The following MED6 variants were observed in gnomAD, a reference collection of about 807,000 sequenced individuals.
MED6 encodes the protein mediator complex subunit 6, also known as mediator of RNA polymerase II transcription subunit 6.
MED6 carries 33 observed loss-of-function variants against 37.5 expected under a neutral mutation model. That is an observed-to-expected ratio of 0.88 (90% CI 0.67 to 1.18). MED6 has a LOEUF of 1.18. Ranked by LOEUF, MED6 falls within the 50% of genes most tolerant of loss-of-function variation. The pLI is 0.00. For synonymous variants in MED6, 94 were observed against 93.6 expected, an observed-to-expected ratio of 1.00 and a Z score of -0.02; for missense variants, 235 against 290.6, an observed-to-expected ratio of 0.81 and a Z score of 1.39.
At chr14:70,599,795 AC>A (rs1885150676) in intron 1 of MED6, among the ~76,000 whole-genome samples, 1 of 150,916 alleles carries the variant, frequency 6.6e-6, no homozygotes, top group Non-Finnish European at 1.5e-5. Flanking sequence ...CAGCATTCTA[AC>A]CATCAGCAAG....
At position 70,596,683 on chromosome 14, in the gene MED6, A is replaced by G. The variant is rs1040274395; in HGVS notation, c.202T>C (p.Tyr68His). The G allele has an allele frequency of 6.2e-7, 1 of 1,613,754 alleles. No homozygotes were observed. The highest frequency in any genetic ancestry group is 1.3e-5 in the African/African-American group (1 of 74,942). ...GGCTCTTGAGCATGCAAAAGGATGT[A>G]CTCGATTCCAACCATCTGACTGAAA... ...EHLNQMVGIE[Y>H]ILLHAQEPIL... is the part of the protein sequence containing the mutation. Residue 68 changes from tyrosine (Y) to histidine (H), a missense_variant, in exon 3 of 8, where the codon TAC becomes CAC. Coordinates refer to ENST00000256379, the MANE Select transcript of MED6 (RefSeq NM_005466.4).
rs1206695920 is a variant in MED6 at position 70,588,685 on chromosome 14, CAAAAATAAT to C, written c.582+2572_582+2580del. Among the ~76,000 whole-genome samples the C allele has an allele frequency of 7.2e-5, 8 of 111,258 alleles. No individual in the cohort carries two copies. The East Asian group carries it at 2.0e-3, about 28-fold the overall frequency. 73.0% of individuals were successfully genotyped at this position (111,258 alleles called of 152,430 possible). The stretch of plus-strand genomic sequence containing the variant: ...TGGGCGACAGAGTGAGACTCCGTCT[CAAAAATAAT>C]AATAATAATAATAATAATAATAATA... On this transcript the variant is annotated intron_variant, in intron 6 of 7. Transcript: ENST00000256379.
rs1431748088 is a variant in MED6, at chr14:70,593,396, A to G, written c.275-18T>C. 6.3e-7 allele frequency: 1 copy of G among 1,577,156 alleles called. No homozygotes were observed. The highest frequency in any genetic ancestry group is 1.1e-5 in the South Asian group (1 of 89,264). On this transcript the variant is annotated intron_variant, in intron 3 of 7. Coordinates refer to ENST00000256379, the MANE Select transcript of MED6 (RefSeq NM_005466.4). ...TGGGATAACTAAAACAGTGGGAAAA[A>G]AGGTTTATAAATACAGCTATGGACA...
In MED6 at chr14:70,584,623, G is replaced by A. The variant is rs576133936; in HGVS notation, c.*190C>T. ...ACTTCTGACCTCAAGTGATCCACCCGCCATGGCCTCCCAAAGTGCTGGGAT... is the reference window on the plus strand; with the variant it reads ...ACTTCTGACCTCAAGTGATCCACCCACCATGGCCTCCCAAAGTGCTGGGAT... On this transcript the variant is annotated 3_prime_UTR_variant, in exon 8 of 8. Coordinates refer to ENST00000256379, the MANE Select transcript of MED6 (RefSeq NM_005466.4). The A allele has an allele frequency of 1.8e-4, 108 of 598,608 alleles. No individual in the cohort carries two copies. The highest frequency in any genetic ancestry group is 2.7e-4 in the Non-Finnish European group (102 of 372,526). 37.1% of individuals were successfully genotyped at this position (598,608 alleles called of 1,614,324 possible). A position where few individuals can be genotyped will look rare whatever the true frequency, so the allele number is the denominator to read the frequency against.
At chr14:70,586,224 T>A (rs1322232231) in intron 6 of MED6, among the ~76,000 whole-genome samples, 2 of 152,224 alleles carry the variant, frequency 1.3e-5, no homozygotes, top group Non-Finnish European at 2.9e-5. Context: ...ACTTTTAAAG[T>A]TGGTAGGCAT....
intron 1 of MED6, among the ~76,000 whole-genome samples, chr14:70,600,243 G>A (rs1329259187): frequency 1.3e-5 from 2 of 152,160 alleles, no homozygotes; most frequent in African/African-American, 4.8e-5. Flanking sequence ...AGTCCCAAGA[G>A]ATGAATCAAA....
At chr14:70,599,249 G>A (rs1452924975) in intron 1 of MED6, among the ~76,000 whole-genome samples, 1 of 152,166 alleles carries the variant, frequency 6.6e-6, no homozygotes, top group Non-Finnish European at 1.5e-5. Context: ...AAGGTAAAAT[G>A]TACTTTGTGT....
chr14:70,597,866 G>C (rs140431963), intron 1 of MED6, 89 bp from the exon 2 acceptor site: 3 of 1,060,798 alleles, frequency 2.8e-6, no homozygotes, highest in Non-Finnish European at 3.9e-6. Context: ...AATGTAGTAG[G>C]CACTATGAAT....
At chr14:70,600,550 G>T (rs375613889) in intron 1 of MED6, 66 bp downstream of exon 1, 7 of 1,578,378 alleles carry the variant, frequency 4.4e-6, no homozygotes, top group Non-Finnish European at 6.1e-6. Context: ...CCTTGAAACC[G>T]CGAGCTATAA....
At chr14:70,598,024 G>A (rs564332047) in intron 1 of MED6, among the ~76,000 whole-genome samples, 7 of 152,244 alleles carry the variant, frequency 4.6e-5, no homozygotes, top group South Asian at 2.1e-4. Context: ...GGCCGGGTGC[G>A]GTGGCTCAGC....
At chr14:70,598,639 T>C (rs1477987210) in intron 1 of MED6, among the ~76,000 whole-genome samples, 1 of 152,130 alleles carries the variant, frequency 6.6e-6, no homozygotes, top group East Asian at 1.9e-4. Flanking sequence ...AGAGAGAATG[T>C]ATATACAGAG....
At chr14:70,593,623 C>G (rs1321498819) in intron 3 of MED6, among the ~76,000 whole-genome samples, 1 of 152,226 alleles carries the variant, frequency 6.6e-6, no homozygotes, top group African/African-American at 2.4e-5. Context: ...TATTTAGTCA[C>G]TGGCCCTTTT....
At chr14:70,591,500 C>T in intron 5 of MED6, 119 bp from the exon 6 acceptor site, 1 of 737,984 alleles carries the variant, frequency 1.4e-6, no homozygotes, top group Non-Finnish European at 2.2e-6. Flanking sequence ...GGCTGCTATA[C>T]CAAAGATAAT....
chr14:70,585,754 A>AC lies in MED6; in HGVS notation c.610+1dup. On this transcript the variant is annotated splice_donor_variant, in intron 7 of 7. Transcript: ENST00000256379. LOFTEE classifies it high-confidence loss of function. ...GTAATAAGAATATTACATGAACCAT[A>AC]CCTGGAACAGGCTTTTCTCCAGGCT... The AC allele has an allele frequency of 6.2e-7, 1 of 1,600,776 alleles. No individual in the cohort carries two copies. Among genetic ancestry groups the AC allele is most frequent in the East Asian group, 2.3e-5 (1 of 44,356 alleles).
At chr14:70,589,737 C>G (rs980025997) in intron 6 of MED6, among the ~76,000 whole-genome samples, 3 of 152,140 alleles carry the variant, frequency 2.0e-5, no homozygotes, top group African/African-American at 7.2e-5. Flanking sequence ...ATACAAAATC[C>G]TTCTCAACTG....
chr14:70,584,202 T>C lies in MED6; in HGVS notation c.*611A>G, dbSNP rs763173685. On this transcript the variant is annotated 3_prime_UTR_variant, in exon 8 of 8. Coordinates refer to ENST00000256379, the MANE Select transcript of MED6 (RefSeq NM_005466.4). The stretch of plus-strand genomic sequence containing the variant: ...GTCTTCAAAGTGCATCTGAAAAATA[T>C]CAGTTATGATGAAGAAAAAAGTCAT... 1 of 749,888 alleles carries C rather than the reference T, an allele frequency of 1.3e-6. No individual in the cohort carries two copies. Among genetic ancestry groups the C allele is most frequent in the Non-Finnish European group, 2.4e-6 (1 of 412,332 alleles). 46.5% of individuals were successfully genotyped at this position (749,888 alleles called of 1,614,324 possible).
At chr14:70,593,098 C>T in intron 4 of MED6, 110 bp from the exon 5 acceptor site, 1 of 1,440,152 alleles carries the variant, frequency 6.9e-7, no homozygotes, top group Non-Finnish European at 9.5e-7. Flanking sequence ...TTTTCAGAAC[C>T]TAAATTACTA....
chr14:70,592,230 A>G (rs1291751483), intron 5 of MED6, among the ~76,000 whole-genome samples: 1 of 152,212 alleles, frequency 6.6e-6, no homozygotes, highest in African/African-American at 2.4e-5. Context: ...CGAACAGTAA[A>G]ATATGATGAA....
chr14:70,594,850 G>A (rs184965027), intron 3 of MED6: 1 of 656,484 alleles, frequency 1.5e-6, no homozygotes, highest in African/African-American at 1.8e-5. Flanking sequence ...CCTGGACAGA[G>A]TGAGGAGCCT....
Sources: allele counts gnomAD v4.1 joint callset (sites outside exome capture counted in the v4.1 genomes callset), GRCh38; gene constraint gnomAD v4.1.1; transcripts MANE v1.5; gene names NCBI Gene and HGNC (gene_info 2026-07-23, HGNC 2026-07-21).